Variants in SAMMSON observed in about 807,000 individuals in gnomAD.
SAMMSON encodes the protein survival associated mitochondrial melanoma specific oncogenic non-coding RNA.
In SAMMSON at chr3:70,250,409, T is replaced by TCACACACACA. The variant is rs1491108341; in HGVS notation, n.674+740_674+741insACACACACAC. On this transcript the variant is annotated intron_variant and non_coding_transcript_variant, in intron 6 of 9. Coordinates refer to ENST00000642114, the Ensembl canonical transcript of SAMMSON. The stretch of plus-strand genomic sequence containing the variant: ...TATTCGGTATTTTTCTTTTAATGAA[T>TCACACACACA]CTCACACACACACACACACACACAC... 7.1e-3 allele frequency among the ~76,000 whole-genome samples: 893 copies of TCACACACACA among 126,322 alleles called. 11 individuals carry two copies. Among genetic ancestry groups the TCACACACACA allele is most frequent in the Non-Finnish European group, 0.01 (606 of 57,866 alleles). 82.9% of individuals were successfully genotyped at this position (126,322 alleles called of 152,430 possible). A position where few individuals can be genotyped will look rare whatever the true frequency, so the allele number is the denominator to read the frequency against.
intron 2 of SAMMSON, among the ~76,000 whole-genome samples, chr3:70,407,627 T>C (rs1174328660): frequency 6.6e-6 from 1 of 152,186 alleles, no homozygotes; most frequent in East Asian, 1.9e-4. Context: ...GTTCCCATGG[T>C]CTTGGGCAGC....
intron 4 of SAMMSON, among the ~76,000 whole-genome samples, chr3:70,143,352 C>T (rs1406038088): frequency 6.7e-6 from 1 of 149,724 alleles, no homozygotes; most frequent in Non-Finnish European, 1.5e-5. Context: ...TAAGAAGAAT[C>T]AGGGTATATG....
chr3:70,035,244 C>T (rs2067081041), intron 3 of SAMMSON, among the ~76,000 whole-genome samples: 1 of 152,136 alleles, frequency 6.6e-6, no homozygotes, highest in Non-Finnish European at 1.5e-5. Flanking sequence ...GGGCTGTCCA[C>T]ATCCTGTTTC....
chr3:70,085,273 C>T (rs1378002878), intron 4 of SAMMSON, among the ~76,000 whole-genome samples: 1 of 144,746 alleles, frequency 6.9e-6, no homozygotes, highest in African/African-American at 2.9e-5. Flanking sequence ...GCTTAATATC[C>T]TTCTTGTTGG....
intron 4 of SAMMSON, among the ~76,000 whole-genome samples, chr3:70,123,833 G>C (rs1230652364): frequency 1.3e-5 from 2 of 152,200 alleles, no homozygotes; most frequent in Admixed American, 1.3e-4. Context: ...AAGCCTTCAG[G>C]CTTTTGGAGG....
chr3:70,432,046 G>T (rs1448148307), intron 2 of SAMMSON, among the ~76,000 whole-genome samples: 2 of 151,888 alleles, frequency 1.3e-5, no homozygotes, highest in African/African-American at 2.4e-5. Context: ...GTAGGTCTTT[G>T]TATGAACATA....
intron 4 of SAMMSON, among the ~76,000 whole-genome samples, chr3:70,162,263 T>C (rs1253581756): frequency 6.6e-6 from 1 of 151,862 alleles, no homozygotes; most frequent in Non-Finnish European, 1.5e-5. Context: ...TTTTTAAATA[T>C]AGGCATTTAA....
intron 4 of SAMMSON, among the ~76,000 whole-genome samples, chr3:70,139,624 A>G (rs183133912): frequency 3.5e-4 from 54 of 152,248 alleles, no homozygotes; most frequent in Non-Finnish European, 1.0e-4. Flanking sequence ...GGAGTGATTG[A>G]GGAGTACGGT....
rs577809358 is a variant in SAMMSON, at chr3:70,167,121, A to G, written n.508-81986A>G. On this transcript the variant is annotated intron_variant and non_coding_transcript_variant, in intron 4 of 9. Transcript: ENST00000642114. ...ATTCTTTCCTCATATAATCAGTATA[A>G]CTTTTTTTAACTTAGTCTTTAAAAT... Among the ~76,000 whole-genome samples the G allele has an allele frequency of 2.0e-5, 3 of 152,112 alleles. No individual in the cohort carries two copies. In the South Asian group the frequency reaches 6.2e-4, roughly 32 times the overall value.
chr3:70,125,571 G>T, intron 4 of SAMMSON: 1 of 697,604 alleles, frequency 1.4e-6, no homozygotes, highest in Non-Finnish European at 2.6e-6. Flanking sequence ...GTAACAGGTA[G>T]ATCATTATTT....
chr3:70,152,712 C>G (rs1293072759), intron 4 of SAMMSON, among the ~76,000 whole-genome samples: 1 of 151,992 alleles, frequency 6.6e-6, no homozygotes, highest in Non-Finnish European at 1.5e-5. Flanking sequence ...GTCTGCTACT[C>G]AGTGACTTGC....
chr3:70,160,901 T>A (rs2067612108), intron 4 of SAMMSON, among the ~76,000 whole-genome samples: 1 of 152,136 alleles, frequency 6.6e-6, no homozygotes, highest in Non-Finnish European at 1.5e-5. Context: ...TCTATAATTT[T>A]AAATTTTATT....
chr3:70,423,490 T>C (rs925943348), intron 2 of SAMMSON, among the ~76,000 whole-genome samples: 1 of 152,178 alleles, frequency 6.6e-6, no homozygotes, highest in South Asian at 2.1e-4. Flanking sequence ...TAATAGCGTC[T>C]GCGTTTCCAG....
At chr3:70,227,864 T>C (rs949350249) in intron 4 of SAMMSON, among the ~76,000 whole-genome samples, 11 of 152,274 alleles carry the variant, frequency 7.2e-5, no homozygotes, top group African/African-American at 2.4e-4. Flanking sequence ...AGCTGGGATT[T>C]GAATACAGGA....
At chr3:70,423,157 T>A (rs917427846) in intron 2 of SAMMSON, among the ~76,000 whole-genome samples, 5 of 152,030 alleles carry the variant, frequency 3.3e-5, no homozygotes, top group African/African-American at 9.7e-5. Flanking sequence ...CTGAGAAAGA[T>A]GAGACAAATA....
chr3:70,096,505 C>T (rs996838788), intron 4 of SAMMSON, among the ~76,000 whole-genome samples: 1 of 152,186 alleles, frequency 6.6e-6, no homozygotes, highest in East Asian at 1.9e-4. Context: ...GATTGCACCA[C>T]TGCGCTCCAG....
chr3:70,158,165 A>G (rs891027287), intron 4 of SAMMSON, among the ~76,000 whole-genome samples: 4 of 152,008 alleles, frequency 2.6e-5, no homozygotes, highest in African/African-American at 7.2e-5. Context: ...CATTTTTATC[A>G]TCCTGGCATG....
chr3:70,217,561 T>G (rs993593590), intron 4 of SAMMSON, among the ~76,000 whole-genome samples: 1 of 152,166 alleles, frequency 6.6e-6, no homozygotes, highest in African/African-American at 2.4e-5. Context: ...AAAGGAACTT[T>G]GATTTAAGTG....
At chr3:70,277,882 C>T (rs901484635) in intron 6 of SAMMSON, among the ~76,000 whole-genome samples, 4 of 152,136 alleles carry the variant, frequency 2.6e-5, no homozygotes, top group African/African-American at 4.8e-5. Context: ...GGAACTCAGT[C>T]TTAATCAGAG....
Sources: allele counts gnomAD v4.1 joint callset (sites outside exome capture counted in the v4.1 genomes callset), GRCh38; gene constraint gnomAD v4.1.1; transcripts MANE v1.5; gene names NCBI Gene and HGNC (gene_info 2026-07-23, HGNC 2026-07-21).